The following CYRIB variants were observed in gnomAD, a reference collection of about 807,000 sequenced individuals.
CYRIB encodes CYFIP-related Rac1 interactor B.
Under a neutral mutation model 44.2 loss-of-function variants are expected in CYRIB, and 8 were observed. That is an observed-to-expected ratio of 0.18 (90% CI 0.11 to 0.33). The LOEUF is 0.33. Ranked by LOEUF, CYRIB falls within the 10% of genes least tolerant of loss-of-function variation. The pLI is 1.00. For synonymous variants in CYRIB, 131 were observed against 127.2 expected (o/e 1.03, Z -0.20); for missense variants, 185 against 382.8 (o/e 0.48, Z 4.31).
chr8:129,921,888 T>C (rs1477626164), intron 1 of CYRIB, among the ~76,000 whole-genome samples: 2 of 152,106 alleles, frequency 1.3e-5, no homozygotes, highest in Non-Finnish European at 2.9e-5. Context: ...GTTTTGGACA[T>C]GTTAAATTTG....
At chr8:129,888,958 T>C (rs2063907024) in intron 2 of CYRIB, among the ~76,000 whole-genome samples, 1 of 152,010 alleles carries the variant, frequency 6.6e-6, no homozygotes. Flanking sequence ...CTGGGCAGGG[T>C]GGCAGGCGCC....
chr8:129,863,732 TTAAG>T (rs2051475247), intron 4 of CYRIB, among the ~76,000 whole-genome samples: 1 of 152,186 alleles, frequency 6.6e-6, no homozygotes, highest in Admixed American at 6.5e-5. Flanking sequence ...TTTCAAATCA[TTAAG>T]TAATCTTTTC....
intron 2 of CYRIB, among the ~76,000 whole-genome samples, chr8:129,898,554 C>T (rs557975111): frequency 5.8e-4 from 89 of 152,308 alleles, no homozygotes; most frequent in Non-Finnish European, 1.0e-3. Context: ...TGTACACTAA[C>T]GGAATTTAAT....
At chr8:129,872,635 T>C (rs1212036496) in intron 3 of CYRIB, among the ~76,000 whole-genome samples, 1 of 152,076 alleles carries the variant, frequency 6.6e-6, no homozygotes, top group Non-Finnish European at 1.5e-5. Context: ...GATTATCATA[T>C]TTTAGAGAAA....
At chr8:129,968,992 C>A (rs1338791963) in intron 2 of CYRIB, among the ~76,000 whole-genome samples, 1 of 136,932 alleles carries the variant, frequency 7.3e-6, no homozygotes, top group Non-Finnish European at 1.5e-5. Context: ...TCACATGCCA[C>A]CATTTAGCTT....
intron 2 of CYRIB, among the ~76,000 whole-genome samples, chr8:129,886,324 C>A (rs2062740701): frequency 6.6e-6 from 1 of 152,218 alleles, no homozygotes; most frequent in Non-Finnish European, 1.5e-5. Flanking sequence ...TTATCACCCA[C>A]GCCTTCCTGA....
At chr8:129,892,003 A>G (rs1249526658) in intron 2 of CYRIB, among the ~76,000 whole-genome samples, 1 of 152,218 alleles carries the variant, frequency 6.6e-6, no homozygotes, top group Non-Finnish European at 1.5e-5. Flanking sequence ...ATCTGATTCA[A>G]AGATTACTGG....
At chr8:129,900,356 T>C (rs1210215091) in intron 2 of CYRIB, among the ~76,000 whole-genome samples, 2 of 152,300 alleles carry the variant, frequency 1.3e-5, no homozygotes, top group East Asian at 3.9e-4. Context: ...TATGTCCCCT[T>C]TGAAATGATT....
chr8:129,906,558 T>C (rs2075496373), intron 1 of CYRIB, among the ~76,000 whole-genome samples: 1 of 152,138 alleles, frequency 6.6e-6, no homozygotes, highest in Non-Finnish European at 1.5e-5. Flanking sequence ...ACTTCATGTC[T>C]AAAACACCAA....
exon 2 of CYRIB, chr8:129,903,345 TTCTA>T (rs1262302376): frequency 6.6e-6 from 1 of 152,656 alleles, no homozygotes; most frequent in Admixed American, 6.5e-5. Context: ...GTCCTTGTCC[TTCTA>T]TCTGTTTAAG....
chr8:129,845,045 G>A (rs572164832), intron 11 of CYRIB, among the ~76,000 whole-genome samples: 9 of 152,174 alleles, frequency 5.9e-5, no homozygotes, highest in African/African-American at 2.2e-4. Context: ...TCTTGCCTCC[G>A]TGGTGCTTTC....
intron 1 of CYRIB, among the ~76,000 whole-genome samples, chr8:129,974,696 TA>T (rs761290436): frequency 3.7e-3 from 496 of 134,758 alleles, no homozygotes; most frequent in Middle Eastern, 0.015. Flanking sequence ...TTACTAGAAG[TA>T]AAAAAAAAAA....
At chr8:129,933,539 C>A (rs1209777814) in intron 1 of CYRIB, among the ~76,000 whole-genome samples, 4 of 152,138 alleles carry the variant, frequency 2.6e-5, no homozygotes, top group Middle Eastern at 3.4e-3. Context: ...TGTTTTGGAC[C>A]AATTCAATGT....
At chr8:129,989,640 CTT>C (rs545615460) in intron 1 of CYRIB, among the ~76,000 whole-genome samples, 16 of 136,706 alleles carry the variant, frequency 1.2e-4, no homozygotes, top group African/African-American at 1.1e-4. Flanking sequence ...GATGCCCTTT[CTT>C]TTTTTTTTTT....
intron 1 of CYRIB, among the ~76,000 whole-genome samples, chr8:129,908,424 T>C (rs1172534253): frequency 6.6e-6 from 1 of 152,188 alleles, no homozygotes; most frequent in African/African-American, 2.4e-5. Flanking sequence ...CAGGCTTGGG[T>C]TGCATTTCCA....
At chr8:129,923,330 A>G (rs1325500279) in intron 1 of CYRIB, among the ~76,000 whole-genome samples, 3 of 151,596 alleles carry the variant, frequency 2.0e-5, no homozygotes, top group Non-Finnish European at 1.5e-5. Flanking sequence ...GCTGGAGTGC[A>G]ATGGTACAAT....
chr8:130,000,048 TAAGG>T (rs1298052306), intron 1 of CYRIB, among the ~76,000 whole-genome samples: 2 of 152,234 alleles, frequency 1.3e-5, no homozygotes, highest in East Asian at 3.9e-4. Flanking sequence ...CTCGAAACTG[TAAGG>T]ACAAGGAGCA....
In CYRIB at chr8:129,866,886, C is replaced by T. The variant is rs565539552; in HGVS notation, c.195+4489G>A. Among the ~76,000 whole-genome samples the T allele has an allele frequency of 3.3e-5, 5 of 152,334 alleles. 1 individual carries two copies. The East Asian group carries it at 5.8e-4, about 18-fold the overall frequency. ...CCTTGTCCTCTCACAATAATTTACT[C>T]TGTTTGATAAGGTTTTGGGTCAACA... On this transcript the variant is annotated intron_variant, in intron 4 of 11. Coordinates refer to ENST00000519824, the Ensembl canonical transcript of CYRIB.
At position 129,850,762 on chromosome 8, in the gene CYRIB, T is replaced by C. The variant is rs557156902; in HGVS notation, c.713+73A>G. On this transcript the variant is annotated intron_variant, in intron 9 of 11. Transcript: ENST00000519824. ...CAGATAAAACATGTTAACATGTTCATATATGAACATGTTTTGAAATATCAG... is the reference window on the plus strand; with the variant it reads ...CAGATAAAACATGTTAACATGTTCACATATGAACATGTTTTGAAATATCAG... 9.7e-6 allele frequency: 10 copies of C among 1,029,580 alleles called. No homozygotes were observed. The East Asian group carries it at 2.1e-4, about 22-fold the overall frequency. The allele number at this position is 1,029,580 out of a possible 1,614,324, so 63.8% of individuals were successfully genotyped here.
Sources: gnomAD v4.1 joint callset for allele counts (sites outside exome capture counted in the v4.1 genomes callset) on GRCh38, gnomAD v4.1.1 for gene constraint, MANE v1.5 for transcripts, NCBI Gene and HGNC (gene_info 2026-07-23, HGNC 2026-07-21) for gene names.